The following CCS variants were observed in gnomAD, a reference collection of about 807,000 sequenced individuals.
CCS encodes copper chaperone for superoxide dismutase, also known as superoxide dismutase copper chaperone.
CCS carries 32 observed loss-of-function variants against 35.5 expected under a neutral mutation model. That is an observed-to-expected ratio of 0.90 (90% CI 0.68 to 1.21). The LOEUF (loss-of-function observed/expected upper bound fraction) is 1.21, where lower values mean the gene tolerates loss of function less well. CCS is among the 50% of genes most tolerant of loss of function. The pLI, the probability that CCS is intolerant of heterozygous loss-of-function variation, is 0.00. For missense variants in CCS, 342 were observed against 375.4 expected (o/e 0.91, Z 0.73); for synonymous variants, 130 against 147.2 (o/e 0.88, Z 0.84).
In CCS at chr11:66,593,685, C is replaced by T. The variant is rs113810834; in HGVS notation, c.83C>T (p.Ala28Val). ...VQMTCQSCVD[A>V]VRKSLQGVAG... is the part of the protein sequence containing the mutation. ...ATGACCTGTCAGAGCTGTGTGGACGCGGTGCGCAAATCCCTGCAAGGGGTG... is the reference window on the plus strand; with the variant it reads ...ATGACCTGTCAGAGCTGTGTGGACGTGGTGCGCAAATCCCTGCAAGGGGTG... The change falls in exon 2 of 8, where the codon GCG (alanine) becomes GTG (valine). Residue 28 changes from alanine (A) to valine (V), a missense_variant. Coordinates refer to ENST00000533244, the MANE Select transcript of CCS (RefSeq NM_005125.2). The T allele has an allele frequency of 2.5e-6, 4 of 1,613,968 alleles. No homozygotes were observed. Among genetic ancestry groups the T allele is most frequent in the African/African-American group, 1.3e-5 (1 of 74,956 alleles).
chr11:66,598,255 A>G (rs552231388), intron 2 of CCS, among the ~76,000 whole-genome samples: 28 of 151,980 alleles, frequency 1.8e-4, no homozygotes, highest in African/African-American at 6.7e-4. Context: ...TAATCTCAGT[A>G]CTTTGGGAGA....
At position 66,599,176 on chromosome 11, in the gene CCS, C is replaced by T; in HGVS notation, c.173C>T (p.Pro58Leu). 6.2e-7 allele frequency: 1 copy of T among 1,614,040 alleles called. No individual in the cohort carries two copies. The highest frequency in any genetic ancestry group is 1.1e-5 in the South Asian group (1 of 91,074). ...DQMVLVHTTLPSQEVQALLEG... is the reference protein window; with the variant it reads ...DQMVLVHTTLLSQEVQALLEG... ...ATGGTCTTGGTACACACCACTCTAC[C>T]CAGCCAGGAGGTGCAGGCTCTCCTG... is the stretch of plus-strand genomic sequence containing the variant. The change falls in exon 3 of 8, where the codon CCC (proline) becomes CTC (leucine). Residue 58 changes from proline (P) to leucine (L), a missense_variant. Transcript: ENST00000533244.
At chr11:66,603,013 A>G (rs748158083) in intron 5 of CCS, among the ~76,000 whole-genome samples, 1 of 152,216 alleles carries the variant, frequency 6.6e-6, no homozygotes, top group Non-Finnish European at 1.5e-5. Flanking sequence ...ACCCTGCTCC[A>G]GTCTTTACTT....
chr11:66,600,475 C>T lies in CCS; in HGVS notation c.429-14C>T. On this transcript the variant is annotated splice_polypyrimidine_tract_variant and intron_variant, in intron 4 of 7. Transcript: ENST00000533244. ...GAGCTGCTTTCCTGCCCACCTGTTT[C>T]CTTTCTTTCTTAGCTGTGGGAATCA... 2.6e-6 allele frequency: 4 copies of T among 1,511,694 alleles called. No homozygotes were observed. Among genetic ancestry groups the T allele is most frequent in the African/African-American group, 1.4e-5 (1 of 70,698 alleles). The allele number at this position is 1,511,694 out of a possible 1,614,324, so 93.6% of individuals were successfully genotyped here. A position where few individuals can be genotyped will look rare whatever the true frequency, so the allele number is the denominator to read the frequency against.
At chr11:66,597,579 C>T (rs1467369389) in intron 2 of CCS, among the ~76,000 whole-genome samples, 8 of 147,256 alleles carry the variant, frequency 5.4e-5, no homozygotes, top group African/African-American at 7.6e-5. Context: ...GGTGAAACCC[C>T]GTCTTTACTA....
chr11:66,598,543 T>A (rs1858520063), intron 2 of CCS, among the ~76,000 whole-genome samples: 1 of 150,406 alleles, frequency 6.6e-6, no homozygotes, highest in Non-Finnish European at 1.5e-5. Context: ...TTAAGCTATC[T>A]CCTACAGGAA....
At position 66,606,001 on chromosome 11, in the gene CCS, GTT is replaced by G. The variant is rs952231144; in HGVS notation, c.*149_*150del. On this transcript the variant is annotated 3_prime_UTR_variant, in exon 8 of 8. Transcript: ENST00000533244. The stretch of plus-strand genomic sequence containing the variant: ...TGTGGTGTTCCCTTGGCAAATGAAA[GTT>G]TTATTTTCGTTTGGGACTTGGTGTT... 2.3e-6 allele frequency: 2 copies of G among 852,328 alleles called. No homozygotes were observed. Among genetic ancestry groups the G allele is most frequent in the Non-Finnish European group, 3.3e-6 (2 of 612,136 alleles). 52.8% of individuals were successfully genotyped at this position (852,328 alleles called of 1,614,324 possible). A position where few individuals can be genotyped will look rare whatever the true frequency, so the allele number is the denominator to read the frequency against.
intron 1 of CCS, 86 bp downstream of exon 1, chr11:66,593,386 A>AGTG: frequency 7.3e-7 from 1 of 1,368,104 alleles, no homozygotes; most frequent in East Asian, 2.5e-5. Context: ...GAGGAGAAGG[A>AGTG]GTGGGCACTT....
intron 5 of CCS, among the ~76,000 whole-genome samples, chr11:66,602,028 C>G (rs2134983871): frequency 6.6e-6 from 1 of 152,316 alleles, no homozygotes; most frequent in Middle Eastern, 3.4e-3. Flanking sequence ...GCCACTGTGC[C>G]CAACCACCCT....
At chr11:66,598,647 T>C (rs1858521711) in intron 2 of CCS, among the ~76,000 whole-genome samples, 1 of 151,866 alleles carries the variant, frequency 6.6e-6, no homozygotes, top group African/African-American at 2.4e-5. Context: ...TGTAGCATAA[T>C]GTTTCAAGGT....
rs748697782 is a variant in CCS at position 66,605,837 on chromosome 11, GC to G, written c.812del (p.Pro271LeufsTer?). On this transcript the variant is annotated frameshift_variant, in exon 8 of 8. Coordinates refer to ENST00000533244, the MANE Select transcript of CCS (RefSeq NM_005125.2). LOFTEE classifies it high-confidence loss of function. The stretch of plus-strand genomic sequence containing the variant: ...GCAAGGGCCGAAAGGAGTCAGCGCA[GC>G]CCCCTGCCCACCTTTGAGCAGGACC... The part of the protein sequence containing the change: ...AGKGRKESAQ[P>X]PAHL 34 of 1,553,428 alleles carry G rather than the reference GC, an allele frequency of 2.2e-5. No homozygotes were observed. The highest frequency in any genetic ancestry group is 1.4e-5 in the Non-Finnish European group (16 of 1,150,224).
chr11:66,601,293 A>C (rs996067754), intron 5 of CCS, among the ~76,000 whole-genome samples: 8 of 152,106 alleles, frequency 5.3e-5, no homozygotes, highest in Non-Finnish European at 8.8e-5. Context: ...GGGTTTCACC[A>C]GGTTGGCCAG....
At chr11:66,597,048 A>G (rs1240562501) in intron 2 of CCS, among the ~76,000 whole-genome samples, 3 of 152,210 alleles carry the variant, frequency 2.0e-5, no homozygotes, top group East Asian at 1.9e-4. Context: ...TAGTAGGAGT[A>G]CCAAATATGT....
Position 66,593,222 on chromosome 11 carries a change from C to G in CCS, c.-40C>G. 6.4e-7 allele frequency: 1 copy of G among 1,552,800 alleles called. No homozygotes were observed. The highest frequency in any genetic ancestry group is 1.2e-5 in the South Asian group (1 of 84,266). ...GCCGCGCTGGTTGGTGCTCCTGCGC[C>G]GGAGGAGTTCTGCGTCTCGGGGTGG... On this transcript the variant is annotated 5_prime_UTR_variant, in exon 1 of 8. Coordinates refer to ENST00000533244, the MANE Select transcript of CCS (RefSeq NM_005125.2).
Position 66,605,522 on chromosome 11 carries a change from G to A in CCS, c.601G>A (p.Asp201Asn). ...TGTGATTGGCCGCAGCCTGATTATT[G>A]ATGAGGGAGAAGATGACCTGGGCCG... ...WDVIGRSLII[D>N]EGEDDLGRGG... The change falls in exon 7 of 8, where the codon GAT becomes AAT. Residue 201 changes from aspartate (D) to asparagine (N), a missense_variant. By Grantham distance (23) the Asp-to-Asn change is conservative. Transcript: ENST00000533244. 4 of 1,614,116 alleles carry A rather than the reference G, an allele frequency of 2.5e-6. No individual in the cohort carries two copies. Among genetic ancestry groups the A allele is most frequent in the Non-Finnish European group, 2.5e-6 (3 of 1,180,012 alleles).
intron 1 of CCS, 112 bp downstream of exon 1, chr11:66,593,412 G>T: frequency 8.3e-7 from 1 of 1,202,168 alleles, no homozygotes; most frequent in Non-Finnish European, 1.1e-6. Context: ...GGGGCCTGGG[G>T]CCATGGGATG....
rs1298246365 is a variant in CCS at position 66,601,946 on chromosome 11, C to T, written c.489+1397C>T. Among the ~76,000 whole-genome samples, 54 of 151,530 alleles carry T rather than the reference C, an allele frequency of 3.6e-4. 1 individual carries two copies. The highest frequency in any genetic ancestry group is 2.9e-5 in the Non-Finnish European group (2 of 67,924). On this transcript the variant is annotated intron_variant, in intron 5 of 7. Transcript: ENST00000533244. ...ACGAGGTTTTGCCATGTTGGCCAGGCTGGTCTTGAAGTCCCAACCTCAAGT... is the reference window on the plus strand; with the variant it reads ...ACGAGGTTTTGCCATGTTGGCCAGGTTGGTCTTGAAGTCCCAACCTCAAGT...
chr11:66,604,396 T>A (rs1858620927), intron 5 of CCS, among the ~76,000 whole-genome samples: 1 of 152,194 alleles, frequency 6.6e-6, no homozygotes, highest in Admixed American at 6.5e-5. Context: ...AACTGCCACT[T>A]CTTCCTGCCC....
intron 5 of CCS, 132 bp downstream of exon 5, chr11:66,600,681 T>C (rs1020751451): frequency 2.1e-5 from 10 of 484,518 alleles, no homozygotes; most frequent in Non-Finnish European, 3.3e-5. Flanking sequence ...TTTATTTTGC[T>C]GAGTTTGGAA....
Sources: allele counts gnomAD v4.1 joint callset (sites outside exome capture counted in the v4.1 genomes callset), GRCh38; gene constraint gnomAD v4.1.1; transcripts MANE v1.5; gene names NCBI Gene and HGNC (gene_info 2026-07-23, HGNC 2026-07-21).